Variants in ZW10 observed in about 807,000 individuals in gnomAD.
The protein encoded by ZW10 is centromere/kinetochore protein zw10 homolog.
A neutral mutation model predicts 87.8 loss-of-function variants in ZW10; 53 were observed. That is an observed-to-expected ratio of 0.60 (90% CI 0.48 to 0.76). ZW10 has a LOEUF of 0.76. Among genes scored for constraint, ZW10 ranks in the 30% least tolerant of loss-of-function variants. ZW10 has a pLI of 0.00. For synonymous variants in ZW10, 312 were observed against 329.2 expected (o/e 0.95, Z 0.57); for missense variants, 837 against 923.0 (o/e 0.91, Z 1.21).
chr11:113,766,623 G>A lies in ZW10; in HGVS notation c.240+2210C>T, dbSNP rs1364189169. Among the ~76,000 whole-genome samples the A allele has an allele frequency of 5.6e-5, 7 of 125,866 alleles. No individual in the cohort carries two copies. In the East Asian group the frequency reaches 7.4e-4, roughly 13 times the overall value. The allele number at this position is 125,866 out of a possible 152,430, so 82.6% of individuals were successfully genotyped here. A position where few individuals can be genotyped will look rare whatever the true frequency, so the allele number is the denominator to read the frequency against. Reference sequence around the variant, plus strand: ...CGGGAGGCAGAGCTTGCAGTGAGCCGAGATCGTGCCATTGTACTTCAGCCT... The same window carrying A: ...CGGGAGGCAGAGCTTGCAGTGAGCCAAGATCGTGCCATTGTACTTCAGCCT... On this transcript the variant is annotated intron_variant, in intron 2 of 15. Transcript: ENST00000200135.
intron 2 of ZW10, among the ~76,000 whole-genome samples, chr11:113,768,135 A>G (rs1953926637): frequency 6.6e-6 from 1 of 152,360 alleles, no homozygotes; most frequent in South Asian, 2.1e-4. Flanking sequence ...TAAATATACC[A>G]AATGCCTGAA....
At chr11:113,768,359 T>G (rs955223967) in intron 2 of ZW10, among the ~76,000 whole-genome samples, 5 of 152,162 alleles carry the variant, frequency 3.3e-5, no homozygotes, top group African/African-American at 1.2e-4. Context: ...CAACCAAAAC[T>G]AAATAAATTT....
intron 14 of ZW10, among the ~76,000 whole-genome samples, chr11:113,737,281 C>A (rs1035088437): frequency 1.3e-5 from 2 of 152,142 alleles, no homozygotes; most frequent in African/African-American, 4.8e-5. Context: ...AGTTTACTTG[C>A]AAATTAAATG....
intron 7 of ZW10, 130 bp downstream of exon 7, chr11:113,757,532 T>C (rs1266244130): frequency 1.1e-5 from 8 of 714,610 alleles, no homozygotes; most frequent in Non-Finnish European, 1.6e-5. Context: ...TTTGCCCCTA[T>C]GGCACAATTT....
intron 5 of ZW10, among the ~76,000 whole-genome samples, chr11:113,759,959 C>T (rs1266488584): frequency 1.3e-5 from 2 of 152,120 alleles, no homozygotes; most frequent in South Asian, 2.1e-4. Context: ...TCCCAACTAC[C>T]CTAGCATCTT....
chr11:113,746,628 G>A (rs112055337), intron 9 of ZW10, among the ~76,000 whole-genome samples: 1 of 152,066 alleles, frequency 6.6e-6, no homozygotes, highest in Non-Finnish European at 1.5e-5. Flanking sequence ...ACCAAGGAAG[G>A]GGTACAGGAA....
rs549975030 is a variant in ZW10, at chr11:113,768,103, C to T, written c.240+730G>A. On this transcript the variant is annotated intron_variant, in intron 2 of 15. Transcript: ENST00000200135. ...TCTTATTCAGCAACTATTACACTGC[C>T]TGGCACCTTTTAAGTGCAGAATAAA... Among the ~76,000 whole-genome samples, 7 of 152,342 alleles carry T rather than the reference C, an allele frequency of 4.6e-5. No individual in the cohort carries two copies. The East Asian group carries it at 1.2e-3, about 25-fold the overall frequency.
chr11:113,744,644 A>C (rs57063004), intron 9 of ZW10, among the ~76,000 whole-genome samples: 14,478 of 152,000 alleles, frequency 0.095, 940 homozygotes, highest in Middle Eastern at 0.16. Context: ...GCTGGAGTGC[A>C]GTGGCACAAT....
At chr11:113,746,495 CAAAAA>C (rs566009326) in intron 9 of ZW10, among the ~76,000 whole-genome samples, 5 of 105,340 alleles carry the variant, frequency 4.7e-5, no homozygotes, top group African/African-American at 7.8e-5. Context: ...ACAAAACAGT[CAAAAA>C]AAAAAAAAAA....
In ZW10 at chr11:113,739,300, C is replaced by T. The variant is rs878916556; in HGVS notation, c.1666G>A (p.Gly556Arg). Reference sequence around the variant, plus strand: ...GCAAGACGCAATCTGAACTGATGCCCGAGGGTCAGCAAGTGGTGAGCAATG... The same window carrying T: ...GCAAGACGCAATCTGAACTGATGCCTGAGGGTCAGCAAGTGGTGAGCAATG... ...MYIAHHLLTL[G>R]HQFRLRLAPI... The change falls in exon 12 of 16, where the codon GGG becomes AGG. Residue 556 changes from glycine (G) to arginine (R), a missense_variant. By Grantham distance (125) the Gly-to-Arg change is moderately radical. Transcript: ENST00000200135. 1 of 1,613,702 alleles carries T rather than the reference C, an allele frequency of 6.2e-7. No individual in the cohort carries two copies. The highest frequency in any genetic ancestry group is 1.7e-5 in the Admixed American group (1 of 59,964).
At chr11:113,741,657 C>A (rs1252290410) in intron 11 of ZW10, 37 bp downstream of exon 11, 2 of 1,373,484 alleles carry the variant, frequency 1.5e-6, no homozygotes, top group Admixed American at 2.3e-5. Context: ...CTTAGACATA[C>A]AATTATTATA....
intron 12 of ZW10, 88 bp from the exon 13 acceptor site, chr11:113,738,482 G>T (rs1315530407): frequency 1.1e-5 from 14 of 1,279,928 alleles, no homozygotes; most frequent in South Asian, 1.5e-5. Context: ...CATAAACCAT[G>T]TATCTGTTCT....
intron 2 of ZW10, among the ~76,000 whole-genome samples, chr11:113,762,613 G>A (rs1265216301): frequency 6.6e-6 from 1 of 151,784 alleles, no homozygotes; most frequent in East Asian, 1.9e-4. Context: ...CACCTCCCAG[G>A]TTCAAGCAAT....
intron 9 of ZW10, among the ~76,000 whole-genome samples, chr11:113,744,928 C>A (rs1953664162): frequency 6.6e-6 from 1 of 152,076 alleles, no homozygotes; most frequent in African/African-American, 2.4e-5. Context: ...AATAAAAAGA[C>A]CTTCAAAAAT....
intron 7 of ZW10, among the ~76,000 whole-genome samples, chr11:113,757,461 A>G (rs879439436): frequency 1.3e-5 from 2 of 152,244 alleles, no homozygotes; most frequent in African/African-American, 2.4e-5. Flanking sequence ...TGATGGCCCT[A>G]CTTGTCAATA....
chr11:113,762,853 C>T lies in ZW10; in HGVS notation c.241-1935G>A, dbSNP rs536780156. ...ACTCTTGCAATAACACAGCTTAAAA[C>T]GCAAACACACTATACGCTGTAGAAA... On this transcript the variant is annotated intron_variant, in intron 2 of 15. Coordinates refer to ENST00000200135, the MANE Select transcript of ZW10 (RefSeq NM_004724.4). Among the ~76,000 whole-genome samples the T allele has an allele frequency of 4.6e-5, 7 of 152,306 alleles. No individual in the cohort carries two copies. In the East Asian group the frequency reaches 7.7e-4, roughly 17 times the overall value.
intron 3 of ZW10, 90 bp downstream of exon 3, chr11:113,760,727 C>CA: frequency 2.3e-6 from 2 of 875,864 alleles, no homozygotes; most frequent in Non-Finnish European, 3.2e-6. Context: ...AATATGAAGA[C>CA]AAAAAAACCC....
At chr11:113,746,495 C>CAAAAAAAAAAAAAAAAAAAACAAAAA (rs1953678068) in intron 9 of ZW10, among the ~76,000 whole-genome samples, 1 of 105,340 alleles carries the variant, frequency 9.5e-6, no homozygotes, top group African/African-American at 3.9e-5. Context: ...ACAAAACAGT[C>CAAAAAAAAAAAAAAAAAAAACAAAAA]AAAAAAAAAA....
intron 7 of ZW10, among the ~76,000 whole-genome samples, chr11:113,754,496 C>T (rs911553319): frequency 1.3e-5 from 2 of 151,908 alleles, no homozygotes; most frequent in Admixed American, 1.3e-4. Flanking sequence ...AAAAAATTCC[C>T]AGGACCCTTA....
Sources: gnomAD v4.1 joint callset for allele counts (sites outside exome capture counted in the v4.1 genomes callset) on GRCh38, gnomAD v4.1.1 for gene constraint, MANE v1.5 for transcripts, NCBI Gene and HGNC (gene_info 2026-07-23, HGNC 2026-07-21) for gene names.